SORBS3: variants seen among roughly 807,000 people sequenced by gnomAD.
The protein encoded by SORBS3 is vinexin.
Under a neutral mutation model 98.0 loss-of-function variants are expected in SORBS3, and 69 were observed. The ratio of observed to expected loss-of-function variants is 0.70; its 90% CI spans 0.58 to 0.86. SORBS3 has a LOEUF of 0.86. SORBS3 is among the 40% of genes least tolerant of loss of function. SORBS3 has a pLI of 0.00. For synonymous variants in SORBS3, 394 were observed against 355.4 expected, an observed-to-expected ratio of 1.11 and a Z score of -1.22; for missense variants, 954 against 908.5, an observed-to-expected ratio of 1.05 and a Z score of -0.64.
intron 1 of SORBS3, among the ~76,000 whole-genome samples, chr8:22,553,291 C>T (rs958525269): frequency 3.3e-5 from 5 of 152,192 alleles, no homozygotes; most frequent in Non-Finnish European, 5.9e-5. Context: ...CACACAGCTC[C>T]TCCCGATGCA....
At position 22,575,186 on chromosome 8, in the gene SORBS3, G is replaced by A. The variant is rs1840702886; in HGVS notation, c.*458G>A. 1 of 316,544 alleles carries A rather than the reference G, an allele frequency of 3.2e-6. No homozygotes were observed. The highest frequency in any genetic ancestry group is 2.2e-5 in the African/African-American group (1 of 45,264). The allele number at this position is 316,544 out of a possible 1,614,324, so 19.6% of individuals were successfully genotyped here. On this transcript the variant is annotated 3_prime_UTR_variant, in exon 21 of 21. Transcript: ENST00000240123. ...GTTCCTCCCAGCACCCCAGCTTGCT[G>A]GCTGCCCTCTTTGCCTTCTGGCCTC...
At chr8:22,572,764 C>T (rs540731410) in intron 20 of SORBS3, among the ~76,000 whole-genome samples, 5 of 152,320 alleles carry the variant, frequency 3.3e-5, no homozygotes, top group Non-Finnish European at 5.9e-5. Context: ...ACCCCTGCCT[C>T]GAGCAGCCCT....
At chr8:22,552,554 G>A (rs1001217938) in intron 1 of SORBS3, among the ~76,000 whole-genome samples, 1 of 152,220 alleles carries the variant, frequency 6.6e-6, no homozygotes, top group Admixed American at 6.5e-5. Flanking sequence ...TTGAGAAGGG[G>A]CAGATGGGGG....
intron 18 of SORBS3, among the ~76,000 whole-genome samples, 188 bp downstream of exon 18, chr8:22,571,409 G>A (rs1488638050): frequency 6.6e-6 from 1 of 152,094 alleles, no homozygotes; most frequent in Non-Finnish European, 1.5e-5. Context: ...AGCTCTAGCC[G>A]AGGGAGCTCT....
chr8:22,561,930 G>C lies in SORBS3; in HGVS notation c.583G>C (p.Gly195Arg), dbSNP rs779550430. 1.2e-6 allele frequency: 2 copies of C among 1,614,050 alleles called. No homozygotes were observed. The highest frequency in any genetic ancestry group is 1.7e-6 in the Non-Finnish European group (2 of 1,179,944). The change falls in exon 7 of 21, where the codon GGA becomes CGA. Residue 195 changes from glycine (G) to arginine (R), a missense_variant and splice_region_variant. Coordinates refer to ENST00000240123, the MANE Select transcript of SORBS3 (RefSeq NM_005775.5). ...HRPGPATSSS[G>R]RSWDHSEELP... The stretch of plus-strand genomic sequence containing the variant: ...GCCCGGCCCGGCAACATCTTCCAGT[G>C]GGTGAGCACAGTGGGGCGGGGCCGA...
intron 17 of SORBS3, among the ~76,000 whole-genome samples, chr8:22,569,730 T>G (rs1840522447): frequency 6.6e-6 from 1 of 152,156 alleles, no homozygotes; most frequent in African/African-American, 2.4e-5. Flanking sequence ...CTTCCTTTAG[T>G]GTAGTGGCTT....
At chr8:22,571,845 G>A in intron 19 of SORBS3, 24 bp downstream of exon 19, 2 of 1,509,564 alleles carry the variant, frequency 1.3e-6, no homozygotes, top group Non-Finnish European at 1.8e-6. Context: ...GAGGGCTCTT[G>A]ATCAGACGTG....
chr8:22,559,529 C>T (rs921114993), intron 5 of SORBS3, among the ~76,000 whole-genome samples: 4 of 151,618 alleles, frequency 2.6e-5, no homozygotes, highest in Non-Finnish European at 4.4e-5. Flanking sequence ...GGTGAAACCC[C>T]ATCTCTACTA....
intron 1 of SORBS3, 89 bp downstream of exon 1, chr8:22,552,111 C>T: frequency 2.1e-6 from 2 of 970,356 alleles, no homozygotes; most frequent in South Asian, 9.5e-5. Flanking sequence ...TAGCCCCTCC[C>T]CGGGGTCCGC....
At chr8:22,547,996 T>C (rs1840034028), upstream of SORBS3, among the ~76,000 whole-genome samples, 1 of 152,156 alleles carries the variant, frequency 6.6e-6, no homozygotes, top group African/African-American at 2.4e-5. Flanking sequence ...TATGGAAAGG[T>C]CTGTGCCAGG....
chr8:22,555,025 C>T, intron 3 of SORBS3, 45 bp downstream of exon 3: 2 of 1,510,678 alleles, frequency 1.3e-6, no homozygotes, highest in Non-Finnish European at 9.2e-7. Flanking sequence ...AGGGTCAGGG[C>T]CCTGCCATCT....
chr8:22,551,664 G>A, upstream of SORBS3: 3 of 924,094 alleles, frequency 3.2e-6, no homozygotes, highest in Non-Finnish European at 3.9e-6. This position sits in a 1 kb window ranked among gnomAD's most constrained non-coding sequence, Gnocchi z 5.8. Flanking sequence ...CCGCCGGCCA[G>A]GCCTCCTCGG....
Position 22,574,826 on chromosome 8 carries a change from G to A in SORBS3, c.*98G>A, listed in dbSNP as rs749388158. 3.5e-5 allele frequency: 42 copies of A among 1,208,496 alleles called. No homozygotes were observed. The African/African-American group carries it at 4.9e-4, about 14-fold the overall frequency. 74.9% of individuals were successfully genotyped at this position (1,208,496 alleles called of 1,614,324 possible). A position where few individuals can be genotyped will look rare whatever the true frequency, so the allele number is the denominator to read the frequency against. On this transcript the variant is annotated 3_prime_UTR_variant, in exon 21 of 21. Transcript: ENST00000240123. Reference sequence around the variant, plus strand: ...CCCCGCCCACATCCTCCTTCCCCAGGACCTGAGCTCCCAGCATCTGCAGAC... The same window carrying A: ...CCCCGCCCACATCCTCCTTCCCCAGAACCTGAGCTCCCAGCATCTGCAGAC...
In SORBS3 at chr8:22,566,453, G is replaced by C. The variant is rs1332567727; in HGVS notation, c.1059G>C (p.Arg353=). ...MADGGSPFLG[R]RDFVYPSSTR... Reference sequence around the variant, plus strand: ...ATGGAGGAAGCCCCTTCCTAGGTCGGAGGGACTTTGTCTACCCTTCCTCAA... The same window carrying C: ...ATGGAGGAAGCCCCTTCCTAGGTCGCAGGGACTTTGTCTACCCTTCCTCAA... The change falls in exon 13 of 21, where the codon CGG becomes CGC. Residue 353 remains arginine, a synonymous_variant. Transcript: ENST00000240123. The C allele has an allele frequency of 6.2e-7, 1 of 1,613,950 alleles. No homozygotes were observed.
Position 22,556,898 on chromosome 8 carries a change from C to T in SORBS3, c.404C>T (p.Ala135Val), listed in dbSNP as rs1032330581. 15 of 1,612,506 alleles carry T rather than the reference C, an allele frequency of 9.3e-6. No homozygotes were observed. Among genetic ancestry groups the T allele is most frequent in the African/African-American group, 5.3e-5 (4 of 74,934 alleles). The change falls in exon 4 of 21, where the codon GCC (alanine) becomes GTC (valine). Residue 135 changes from alanine (A) to valine (V), a missense_variant. Transcript: ENST00000240123. ...GPVDESGMPIAPRSSVDRPRD... is the reference protein window; with the variant it reads ...GPVDESGMPIVPRSSVDRPRD... ...GTGGACGAGAGCGGCATGCCCATTG[C>T]CCCCCGATCCGTGAGTCCAGGGCTG...
upstream of SORBS3, among the ~76,000 whole-genome samples, chr8:22,551,215 C>T (rs1182438388): frequency 3.3e-5 from 5 of 152,232 alleles, no homozygotes; most frequent in Non-Finnish European, 5.9e-5. The surrounding 1 kb of genome is among the most constrained non-coding windows in gnomAD (Gnocchi z 5.8). Flanking sequence ...TGTGCTTGCA[C>T]GTGTGTGAGC....
intron 13 of SORBS3, 85 bp downstream of exon 13, chr8:22,566,569 C>A: frequency 6.3e-7 from 1 of 1,579,708 alleles, no homozygotes; most frequent in Non-Finnish European, 8.6e-7. Flanking sequence ...GGTCACAGAG[C>A]CCCTTGCTTC....
intron 6 of SORBS3, 127 bp from the exon 7 acceptor site, chr8:22,561,738 C>T (rs1005173260): frequency 1.2e-6 from 1 of 824,744 alleles, no homozygotes; most frequent in East Asian, 2.6e-5. Flanking sequence ...ACCACCCTGC[C>T]CCCACCATCC....
At chr8:22,565,728 C>T (rs1840396415) in intron 11 of SORBS3, 98 bp from the exon 12 acceptor site, 4 of 1,259,840 alleles carry the variant, frequency 3.2e-6, no homozygotes, top group Non-Finnish European at 4.0e-6. Context: ...CGCCCGCTCT[C>T]CTCCCCTCCC....
Sources: gnomAD v4.1 joint callset for allele counts (sites outside exome capture counted in the v4.1 genomes callset) on GRCh38, gnomAD v4.1.1 for gene constraint, Gnocchi (gnomAD v3.1) non-coding constraint, MANE v1.5 for transcripts, NCBI Gene and HGNC (gene_info 2026-07-23, HGNC 2026-07-21) for gene names.